UQCC1: variants seen among roughly 807,000 people sequenced by gnomAD.
UQCC1 encodes bFGF-repressed Zic-binding protein.
A neutral mutation model predicts 48.0 loss-of-function variants in UQCC1; 38 were observed. The observed-to-expected ratio is 0.79, with a 90% CI of 0.61 to 1.04. The LOEUF (loss-of-function observed/expected upper bound fraction) is 1.04. Ranked by LOEUF, UQCC1 falls within the 50% of genes least tolerant of loss-of-function variation. The pLI, the probability that UQCC1 is intolerant of heterozygous loss-of-function variation, is 0.00. For missense variants in UQCC1, 368 were observed against 381.8 expected (o/e 0.96, Z 0.30); for synonymous variants, 111 against 129.2 (o/e 0.86, Z 0.95).
chr20:35,408,093 T>G (rs918327291), intron 1 of UQCC1, among the ~76,000 whole-genome samples: 3 of 151,984 alleles, frequency 2.0e-5, no homozygotes, highest in Non-Finnish European at 2.9e-5. Context: ...AATAATACAA[T>G]GAGACACCAT....
intron 2 of UQCC1, among the ~76,000 whole-genome samples, chr20:35,388,835 C>T (rs889866308): frequency 4.6e-5 from 7 of 152,064 alleles, no homozygotes; most frequent in South Asian, 2.1e-4. Flanking sequence ...GAGGCTGAGG[C>T]GGGAGGATCA....
intron 8 of UQCC1, among the ~76,000 whole-genome samples, chr20:35,309,418 G>A (rs1047402751): frequency 6.6e-6 from 1 of 151,626 alleles, no homozygotes; most frequent in African/African-American, 2.4e-5. Context: ...GGGCAACAGA[G>A]TGAGACCCTG....
intron 7 of UQCC1, among the ~76,000 whole-genome samples, chr20:35,335,563 C>T (rs1375640107): frequency 6.6e-6 from 1 of 152,074 alleles, no homozygotes; most frequent in Admixed American, 6.5e-5. Context: ...TGAAAGAAGC[C>T]AAACATAAAA....
At chr20:35,325,242 T>C (rs2061179353) in intron 7 of UQCC1, among the ~76,000 whole-genome samples, 1 of 152,206 alleles carries the variant, frequency 6.6e-6, no homozygotes, top group Admixed American at 6.5e-5. Flanking sequence ...TTGGGGATAA[T>C]GAAAATGTTT....
At chr20:35,363,458 G>C (rs1046941316) in intron 6 of UQCC1, among the ~76,000 whole-genome samples, 1 of 152,196 alleles carries the variant, frequency 6.6e-6, no homozygotes, top group Non-Finnish European at 1.5e-5. Context: ...GTATACAACT[G>C]ATAAGGGTCC....
At position 35,394,098 on chromosome 20, in the gene UQCC1, A is replaced by G; in HGVS notation, c.123T>C (p.Thr41=). 6.2e-7 allele frequency: 1 copy of G among 1,613,480 alleles called. No individual in the cohort carries two copies. The highest frequency in any genetic ancestry group is 8.5e-7 in the Non-Finnish European group (1 of 1,179,432). The change falls in exon 2 of 10, where the codon ACT becomes ACC. Residue 41 remains threonine, a synonymous_variant. Transcript: ENST00000374385. ...AAAGAACAACAAATCTTACCTGGGA[A>G]GTGCGAGACAGAGCCCTGTCCCCCT... ...QGQGDRALSR[T]SQWPQMSQSR... is the part of the protein sequence containing the mutation.
rs568035627 is a variant in UQCC1 at position 35,355,080 on chromosome 20, T to C, written c.465-7808A>G. Among the ~76,000 whole-genome samples the C allele has an allele frequency of 6.6e-5, 10 of 152,112 alleles. No homozygotes were observed. The South Asian group carries it at 1.7e-3, about 25-fold the overall frequency. On this transcript the variant is annotated intron_variant, in intron 6 of 9. Coordinates refer to ENST00000374385, the MANE Select transcript of UQCC1 (RefSeq NM_018244.5). Reference sequence around the variant, plus strand: ...TCACCTTCTGTGCACATCTTTGGGATGTGGAAGGAAACAGGAGGACCCAGA... The same window carrying C: ...TCACCTTCTGTGCACATCTTTGGGACGTGGAAGGAAACAGGAGGACCCAGA...
intron 2 of UQCC1, among the ~76,000 whole-genome samples, chr20:35,390,277 T>C (rs1452755293): frequency 1.3e-5 from 2 of 151,794 alleles, no homozygotes; most frequent in Admixed American, 1.3e-4. Context: ...ATACAAAAAT[T>C]AGCCAGGCGT....
chr20:35,313,239 G>GGT lies in UQCC1; in HGVS notation c.651+1447_651+1448dup, dbSNP rs1568648823. On this transcript the variant is annotated intron_variant, in intron 8 of 9. Transcript: ENST00000374385. ...AAAATACAAAAAATTAGCCGGGTGTGGTGGCAGGCGCCTGTAGTCCCAGCT... is the reference window on the plus strand; with the variant it reads ...AAAATACAAAAAATTAGCCGGGTGTGGTGTGGCAGGCGCCTGTAGTCCCAGCT... 8.6e-5 allele frequency among the ~76,000 whole-genome samples: 13 copies of GGT among 151,944 alleles called. No homozygotes were observed. In the South Asian group the frequency reaches 2.3e-3, roughly 27 times the overall value.
chr20:35,332,673 T>C (rs1235921669), intron 7 of UQCC1, among the ~76,000 whole-genome samples: 1 of 152,208 alleles, frequency 6.6e-6, no homozygotes, highest in Admixed American at 6.5e-5. Context: ...CCAGACAGGT[T>C]ACAAAGAAAA....
intron 7 of UQCC1, among the ~76,000 whole-genome samples, chr20:35,316,131 G>A (rs982069406): frequency 5.9e-5 from 9 of 152,160 alleles, no homozygotes; most frequent in Admixed American, 1.3e-4. Flanking sequence ...GCAATGTATA[G>A]CACAGAGTAA....
chr20:35,386,458 A>G (rs2061944770), intron 2 of UQCC1: 1 of 421,978 alleles, frequency 2.4e-6, no homozygotes, highest in Non-Finnish European at 4.7e-6. Context: ...AAACGAGGAT[A>G]TTAAAAAATT....
chr20:35,380,797 T>C (rs1043726884), intron 4 of UQCC1, among the ~76,000 whole-genome samples: 3 of 152,208 alleles, frequency 2.0e-5, no homozygotes, highest in Non-Finnish European at 2.9e-5. Context: ...GTATTCCTTA[T>C]CTGAAACGTG....
intron 2 of UQCC1, among the ~76,000 whole-genome samples, chr20:35,390,323 G>A (rs2061998302): frequency 1.3e-5 from 2 of 151,970 alleles, no homozygotes; most frequent in Admixed American, 1.3e-4. Flanking sequence ...TACTCAGGAG[G>A]CTGAGGCAGA....
chr20:35,307,076 A>G (rs1407928382), intron 8 of UQCC1: 1 of 447,248 alleles, frequency 2.2e-6, no homozygotes, highest in Non-Finnish European at 4.2e-6. Context: ...CGCCTGGCCC[A>G]GGCAACACTT....
At chr20:35,405,113 G>A (rs571473540) in intron 1 of UQCC1, among the ~76,000 whole-genome samples, 90 of 152,306 alleles carry the variant, frequency 5.9e-4, no homozygotes, top group African/African-American at 2.2e-3. Flanking sequence ...GTTATCGAAT[G>A]CCTGGCAGAG....
chr20:35,306,766 T>C lies in UQCC1; in HGVS notation c.665A>G (p.Asp222Gly), dbSNP rs781358998. 1 of 1,613,928 alleles carries C rather than the reference T, an allele frequency of 6.2e-7. No individual in the cohort carries two copies. The highest frequency in any genetic ancestry group is 8.5e-7 in the Non-Finnish European group (1 of 1,179,920). ...ILGYDEGILS[D>G]DHGLAAALWR... is the part of the protein sequence containing the mutation. ...GAGGGCAGCGGCCAGCCCATGATCA[T>C]CTGAAAGGATCCCCTGGAACATACA... The change falls in exon 9 of 10, where the codon GAT (aspartate) becomes GGT (glycine). Residue 222 changes from aspartate (D) to glycine (G), a missense_variant. Physicochemically the swap from Asp to Gly is moderately conservative, Grantham distance 94. Transcript: ENST00000374385.
At chr20:35,333,117 T>A (rs1179258787) in intron 7 of UQCC1, among the ~76,000 whole-genome samples, 1 of 144,506 alleles carries the variant, frequency 6.9e-6, no homozygotes, top group East Asian at 2.0e-4. Context: ...AAAGAGCCAA[T>A]TTTTTTTTTT....
At chr20:35,328,359 T>C (rs1166787672) in intron 7 of UQCC1, among the ~76,000 whole-genome samples, 7 of 152,184 alleles carry the variant, frequency 4.6e-5, no homozygotes, top group Non-Finnish European at 1.0e-4. Context: ...CCTTTTTCCT[T>C]TTCATATTAA....
Sources: allele counts gnomAD v4.1 joint callset (sites outside exome capture counted in the v4.1 genomes callset), GRCh38; gene constraint gnomAD v4.1.1; transcripts MANE v1.5; gene names NCBI Gene and HGNC (gene_info 2026-07-23, HGNC 2026-07-21).